The following COMMD6 variants were observed in gnomAD, a reference collection of about 807,000 sequenced individuals.
The protein encoded by COMMD6 is COMM domain-containing protein 6.
COMMD6 carries 11 observed loss-of-function variants against 13.4 expected under a neutral mutation model. That is an observed-to-expected ratio of 0.82 (90% CI 0.52 to 1.36). COMMD6 has a LOEUF of 1.36. Among genes scored for constraint, COMMD6 ranks in the 40% most tolerant of loss-of-function variants. COMMD6 has a pLI of 0.00. For synonymous variants in COMMD6, 43 were observed against 36.5 expected, an observed-to-expected ratio of 1.18 and a Z score of -0.64; for missense variants, 124 against 102.4, an observed-to-expected ratio of 1.21 and a Z score of -0.91.
upstream of COMMD6, among the ~76,000 whole-genome samples, chr13:75,540,214 G>A (rs745655398): frequency 7.3e-5 from 11 of 151,642 alleles, no homozygotes; most frequent in Non-Finnish European, 1.3e-4. Flanking sequence ...CAGGCAATCT[G>A]CCCGCCTCAG....
chr13:75,540,194 C>T (rs1019567219), upstream of COMMD6, among the ~76,000 whole-genome samples: 1 of 152,006 alleles, frequency 6.6e-6, no homozygotes, highest in African/African-American at 2.4e-5. Context: ...TGGTCTCGAA[C>T]TCCTGAGCTC....
chr13:75,540,344 C>CACACACACA (rs1593961926), upstream of COMMD6, among the ~76,000 whole-genome samples: 3 of 147,276 alleles, frequency 2.0e-5, no homozygotes, highest in Admixed American at 1.4e-4. Context: ...ACACACACAC[C>CACACACACA]CACACACACA....
At chr13:75,528,000 AGCAC>A (rs1566539547) in intron 3 of COMMD6, 1 of 472,472 alleles carries the variant, frequency 2.1e-6, no homozygotes, top group Non-Finnish European at 2.9e-6. Flanking sequence ...ACATGCCCTC[AGCAC>A]ACACACACAC....
chr13:75,548,595 GCTA>G (rs1001789868), intron 1 of COMMD6, among the ~76,000 whole-genome samples: 1 of 152,044 alleles, frequency 6.6e-6, no homozygotes, highest in Non-Finnish European at 1.5e-5. Flanking sequence ...TTTCTCCGTG[GCTA>G]CTGTTTTAAT....
At chr13:75,538,184 G>T (rs1037690528), upstream of COMMD6, among the ~76,000 whole-genome samples, 6 of 152,216 alleles carry the variant, frequency 3.9e-5, no homozygotes, top group South Asian at 4.1e-4. Context: ...GGCGCTGGGC[G>T]ACCGCACCCC....
chr13:75,541,590 T>G (rs919018680), upstream of COMMD6, among the ~76,000 whole-genome samples: 1 of 151,988 alleles, frequency 6.6e-6, no homozygotes, highest in Non-Finnish European at 1.5e-5. Flanking sequence ...TGTTACTATT[T>G]TTGCCCATGT....
intron 1 of COMMD6, among the ~76,000 whole-genome samples, chr13:75,546,668 A>T (rs1011861876): frequency 1.3e-5 from 2 of 152,272 alleles, no homozygotes; most frequent in Non-Finnish European, 2.9e-5. Context: ...TTATACTGTC[A>T]ATGCTAAAGA....
upstream of COMMD6, among the ~76,000 whole-genome samples, chr13:75,542,698 A>C (rs1032577531): frequency 4.6e-5 from 7 of 152,250 alleles, no homozygotes; most frequent in Admixed American, 3.9e-4. Context: ...AAAGGAGGAC[A>C]GTTTCTTGGA....
chr13:75,534,422 G>A (rs7338768), intron 2 of COMMD6, among the ~76,000 whole-genome samples: 151,792 of 152,364 alleles, frequency 1, 75,615 homozygotes, highest in Middle Eastern at 1. Context: ...TGAGATGAGA[G>A]TTTCCAAAAT....
chr13:75,535,061 G>T (rs2030615492), intron 2 of COMMD6, among the ~76,000 whole-genome samples: 1 of 152,198 alleles, frequency 6.6e-6, no homozygotes, highest in Non-Finnish European at 1.5e-5. Context: ...TGACAAGAAA[G>T]GCTATTTAGA....
rs576241355 is a variant in COMMD6, at chr13:75,535,153, GAGAAA to G, written c.54+2506_54+2510del. 3.0e-3 allele frequency among the ~76,000 whole-genome samples: 328 copies of G among 109,374 alleles called. 2 individuals are homozygous for G. The highest frequency in any genetic ancestry group is 8.2e-3 in the African/African-American group (309 of 37,548). 71.8% of individuals were successfully genotyped at this position (109,374 alleles called of 152,430 possible). ...AATGAAGAAAAAGCCACAGGACCTG[GAGAAA>G]AGAGCATTCTGGACTGAGGGAGAAG... On this transcript the variant is annotated intron_variant, in intron 2 of 3. Coordinates refer to ENST00000682242, the MANE Select transcript of COMMD6 (RefSeq NM_203495.4).
At chr13:75,528,801 C>T (rs548332417) in intron 3 of COMMD6, among the ~76,000 whole-genome samples, 3 of 151,190 alleles carry the variant, frequency 2.0e-5, no homozygotes, top group Non-Finnish European at 2.9e-5. Context: ...TAGATCATAC[C>T]ATTGCACTGC....
intron 1 of COMMD6, among the ~76,000 whole-genome samples, chr13:75,546,490 T>TCAAAC: frequency 6.6e-6 from 1 of 152,222 alleles, no homozygotes; most frequent in East Asian, 1.9e-4. Context: ...CAAGTACTCT[T>TCAAAC]GTTAAGGCAT....
At chr13:75,544,064 A>G (rs1392125179) in intron 1 of COMMD6, among the ~76,000 whole-genome samples, 1 of 143,774 alleles carries the variant, frequency 7.0e-6, no homozygotes, top group Non-Finnish European at 1.5e-5. Context: ...TTTTATTTGT[A>G]CTCCAGGTTA....
upstream of COMMD6, among the ~76,000 whole-genome samples, chr13:75,541,579 GT>G (rs779733094): frequency 5.3e-5 from 8 of 151,962 alleles, no homozygotes; most frequent in African/African-American, 7.2e-5. Flanking sequence ...CTGGAGTGAT[GT>G]GTTACTATTT....
intron 3 of COMMD6, chr13:75,527,746 C>A: frequency 2.3e-6 from 3 of 1,298,202 alleles, no homozygotes; most frequent in East Asian, 3.0e-5. Context: ...GTGAAATAAG[C>A]CAGACACAGA....
At chr13:75,538,451 T>G (rs944859472), upstream of COMMD6, among the ~76,000 whole-genome samples, 1 of 152,194 alleles carries the variant, frequency 6.6e-6, no homozygotes, top group Non-Finnish European at 1.5e-5. Context: ...TTTGAAAAAT[T>G]TATTTTTTTC....
At chr13:75,536,760 A>G (rs2030676667) in intron 2 of COMMD6, among the ~76,000 whole-genome samples, 2 of 152,200 alleles carry the variant, frequency 1.3e-5, no homozygotes, top group South Asian at 4.1e-4. Context: ...TAAGATAATA[A>G]ATTTGTGTTT....
intron 2 of COMMD6, 80 bp from the exon 3 acceptor site, chr13:75,530,346 T>C: frequency 8.8e-7 from 1 of 1,139,188 alleles, no homozygotes. Flanking sequence ...TTACTGCAGT[T>C]ACACTCAACT....
Sources: allele counts gnomAD v4.1 joint callset (sites outside exome capture counted in the v4.1 genomes callset), GRCh38; gene constraint gnomAD v4.1.1; transcripts MANE v1.5; gene names NCBI Gene and HGNC (gene_info 2026-07-23, HGNC 2026-07-21).